FNBP1: variants seen among roughly 807,000 people sequenced by gnomAD.
The protein encoded by FNBP1 is formin-binding protein 1.
In FNBP1, 26 loss-of-function variants were observed where a neutral mutation model predicts 90.6. The observed-to-expected ratio is 0.29, with a 90% CI of 0.21 to 0.40. The LOEUF is 0.40. Ranked by LOEUF, FNBP1 falls within the 10% of genes least tolerant of loss-of-function variation. FNBP1 has a pLI of 1.00. For synonymous variants in FNBP1, 260 were observed against 265.2 expected (o/e 0.98, Z 0.19); for missense variants, 635 against 768.0 (o/e 0.83, Z 2.05).
intron 6 of FNBP1, chr9:129,933,739 C>T (rs1328238542): frequency 6.6e-6 from 1 of 152,158 alleles, no homozygotes; most frequent in Admixed American, 6.6e-5. Flanking sequence ...TTTCTACAGT[C>T]TCACTCACTC....
intron 4 of FNBP1, among the ~76,000 whole-genome samples, chr9:129,977,386 TA>T (rs2050495609): frequency 6.6e-6 from 1 of 151,954 alleles, no homozygotes; most frequent in African/African-American, 2.4e-5. Context: ...AGAGGAACAA[TA>T]AGGTTTGCTT....
chr9:130,037,011 C>T (rs1470628209), intron 1 of FNBP1, among the ~76,000 whole-genome samples: 1 of 148,406 alleles, frequency 6.7e-6, no homozygotes, highest in Non-Finnish European at 1.5e-5. Context: ...CGCCACTGCA[C>T]TCCAGCCTGG....
rs1449024000 is a variant in FNBP1 at position 129,957,541 on chromosome 9, A to G, written c.409-77T>C. 2.7e-6 allele frequency: 3 copies of G among 1,126,694 alleles called. No homozygotes were observed. The highest frequency in any genetic ancestry group is 1.6e-5 in the African/African-American group (1 of 63,566). The allele number at this position is 1,126,694 out of a possible 1,614,324, so 69.8% of individuals were successfully genotyped here. A position where few individuals can be genotyped will look rare whatever the true frequency, so the allele number is the denominator to read the frequency against. On this transcript the variant is annotated intron_variant, in intron 5 of 16. Transcript: ENST00000446176. This position sits in a 1 kb window ranked among gnomAD's most constrained non-coding sequence, Gnocchi z 4.3. ...GTAATTTTATCTAAAGCTCCCAAAG[A>G]GCATTGTTCTTTTTCTTTTTTTTTT...
chr9:129,905,313 T>TATATATA (rs1554766990), intron 12 of FNBP1, among the ~76,000 whole-genome samples: 6 of 145,634 alleles, frequency 4.1e-5, no homozygotes, highest in Non-Finnish European at 4.5e-5. Context: ...TATATATATA[T>TATATATA]TTTGTTAATT....
intron 6 of FNBP1, among the ~76,000 whole-genome samples, chr9:129,943,648 A>G (rs1267401007): frequency 6.6e-6 from 1 of 151,896 alleles, no homozygotes; most frequent in Admixed American, 6.6e-5. Flanking sequence ...TGGCAGCCTA[A>G]AGTGCTGGGA....
chr9:129,904,768 T>G (rs2037658521), intron 12 of FNBP1, among the ~76,000 whole-genome samples: 1 of 152,128 alleles, frequency 6.6e-6, no homozygotes, highest in Admixed American at 6.6e-5. Flanking sequence ...TTATGCTTAT[T>G]GTTCACTGTC....
At chr9:129,915,319 A>T (rs375861513) in intron 11 of FNBP1, among the ~76,000 whole-genome samples, 1 of 152,042 alleles carries the variant, frequency 6.6e-6, no homozygotes, top group East Asian at 1.9e-4. Flanking sequence ...ATTTACTTTT[A>T]TTCAAAATGA....
chr9:130,048,177 G>A (rs974716422), upstream of FNBP1, among the ~76,000 whole-genome samples: 2 of 151,556 alleles, frequency 1.3e-5, no homozygotes, highest in African/African-American at 4.8e-5. Context: ...AAAAAATTAG[G>A]TGTGGTGGTG....
intron 1 of FNBP1, among the ~76,000 whole-genome samples, chr9:129,999,641 TGA>T (rs1184247112): frequency 3.3e-5 from 5 of 151,974 alleles, no homozygotes; most frequent in Non-Finnish European, 7.4e-5. Flanking sequence ...AGCTTTTGTG[TGA>T]GTTACATCTA....
intron 1 of FNBP1, among the ~76,000 whole-genome samples, chr9:130,001,334 A>C (rs1275626122): frequency 6.6e-6 from 1 of 151,868 alleles, no homozygotes; most frequent in African/African-American, 2.4e-5. Context: ...CAAAACAAAA[A>C]AAAACAGCTA....
rs751211027 is a variant in FNBP1 at position 129,890,580 on chromosome 9, T to C, written c.1847-34A>G. 6.4e-7 allele frequency: 1 copy of C among 1,565,172 alleles called. No homozygotes were observed. Among genetic ancestry groups the C allele is most frequent in the Non-Finnish European group, 8.7e-7 (1 of 1,154,446 alleles). On this transcript the variant is annotated intron_variant, in intron 16 of 16. Coordinates refer to ENST00000446176, the MANE Select transcript of FNBP1 (RefSeq NM_015033.3). This position sits in a 1 kb window ranked among gnomAD's most constrained non-coding sequence, Gnocchi z 5.8. ...CAAAGAGAAACAGAAAGAGAAACTC[T>C]CTGTTAGAGAGGAAGGCGCGGGTTC...
At chr9:130,015,565 A>G (rs2131780665) in intron 1 of FNBP1, among the ~76,000 whole-genome samples, 1 of 152,336 alleles carries the variant, frequency 6.6e-6, no homozygotes, top group Middle Eastern at 3.4e-3. Flanking sequence ...CCAACAGTAT[A>G]CAAGGATCCC....
In FNBP1 at chr9:129,910,243, G is replaced by A; in HGVS notation, c.1186-1244C>T. On this transcript the variant is annotated intron_variant, in intron 11 of 16. Transcript: ENST00000446176. ...CATGCCTGTAATTCCAGCACTTTGG[G>A]AGGCCGAGGTGGGTGGATCATAAGG... 4.4e-6 allele frequency: 2 copies of A among 455,398 alleles called. 1 individual carries two copies. Among genetic ancestry groups the A allele is most frequent in the South Asian group, 3.1e-5 (2 of 64,442 alleles). 28.2% of individuals were successfully genotyped at this position (455,398 alleles called of 1,614,324 possible).
chr9:129,939,813 A>C (rs1257173266), intron 6 of FNBP1, among the ~76,000 whole-genome samples: 1 of 152,188 alleles, frequency 6.6e-6, no homozygotes, highest in Non-Finnish European at 1.5e-5. Context: ...AGGTAGTAAT[A>C]ATATAAATGC....
intron 6 of FNBP1, among the ~76,000 whole-genome samples, chr9:129,938,541 C>CTTTTTTTTTT (rs77369142): frequency 7.3e-4 from 102 of 140,614 alleles, no homozygotes; most frequent in Middle Eastern, 3.7e-3. Context: ...TTTCCTGACT[C>CTTTTTTTTTT]TTTTTTTTTT....
At chr9:129,956,485 A>G (rs1301135512) in intron 6 of FNBP1, among the ~76,000 whole-genome samples, 3 of 152,198 alleles carry the variant, frequency 2.0e-5, no homozygotes, top group African/African-American at 7.2e-5. Context: ...GCTTCTAGGG[A>G]AAAAACGCAT....
At chr9:129,969,214 A>G (rs1202899238) in intron 4 of FNBP1, among the ~76,000 whole-genome samples, 3 of 152,218 alleles carry the variant, frequency 2.0e-5, no homozygotes, top group Non-Finnish European at 4.4e-5. Context: ...ACATTTGGAA[A>G]TCTATCTATA....
intron 1 of FNBP1, among the ~76,000 whole-genome samples, chr9:130,039,019 G>C (rs1466813672): frequency 6.6e-6 from 1 of 152,090 alleles, no homozygotes; most frequent in Non-Finnish European, 1.5e-5. Context: ...TCAAATGTAA[G>C]CAACTCTTGC....
chr9:129,988,669 T>A (rs947727108), intron 2 of FNBP1, among the ~76,000 whole-genome samples: 1 of 151,970 alleles, frequency 6.6e-6, no homozygotes. Flanking sequence ...AGAGCGAGAC[T>A]CCATCTCGAA....
Sources: gnomAD v4.1 joint callset for allele counts (sites outside exome capture counted in the v4.1 genomes callset) on GRCh38, gnomAD v4.1.1 for gene constraint, Gnocchi (gnomAD v3.1) non-coding constraint, MANE v1.5 for transcripts, NCBI Gene and HGNC (gene_info 2026-07-23, HGNC 2026-07-21) for gene names.